NSF: variants seen among roughly 807,000 people sequenced by gnomAD.
The protein encoded by NSF is N-ethylmaleimide sensitive factor, vesicle fusing ATPase.
A neutral mutation model predicts 50.3 loss-of-function variants in NSF; 14 were observed. That is an observed-to-expected ratio of 0.28 (90% CI 0.18 to 0.44). The LOEUF is 0.44. Among genes scored for constraint, NSF ranks in the 20% least tolerant of loss-of-function variants. The probability of loss-of-function intolerance (pLI) is 1.00; values close to 1 mark genes in which losing one functional copy is unlikely to be tolerated. For synonymous variants in NSF, 109 were observed against 175.7 expected, an observed-to-expected ratio of 0.62 and a Z score of 3.00; for missense variants, 218 against 504.3, an observed-to-expected ratio of 0.43 and a Z score of 5.44.
chr17:46,715,523 A>G (rs1054207777), intron 15 of NSF, among the ~76,000 whole-genome samples: 1 of 152,230 alleles, frequency 6.6e-6, no homozygotes, highest in African/African-American at 2.4e-5. Context: ...TCATCTTTGC[A>G]GATGGTAAAT....
intron 17 of NSF, among the ~76,000 whole-genome samples, chr17:46,745,072 G>A (rs1446886136): frequency 6.6e-6 from 1 of 151,940 alleles, no homozygotes; most frequent in East Asian, 1.9e-4. Context: ...CAAGGGGCAT[G>A]TTTGGGCACT....
chr17:46,753,307 G>A (rs2059201891), intron 19 of NSF, among the ~76,000 whole-genome samples: 1 of 152,108 alleles, frequency 6.6e-6, no homozygotes, highest in South Asian at 2.1e-4. Flanking sequence ...ATAGGCTCTT[G>A]GACCAATAAC....
intron 8 of NSF, among the ~76,000 whole-genome samples, chr17:46,657,301 T>G (rs1490276325): frequency 5.5e-5 from 8 of 144,672 alleles, no homozygotes; most frequent in South Asian, 2.4e-4. Flanking sequence ...AGTCAAATGT[T>G]AAGGAGATCA....
At chr17:46,728,786 C>G in intron 16 of NSF, 69 bp from the exon 17 acceptor site, 2 of 859,918 alleles carry the variant, frequency 2.3e-6, no homozygotes, top group Non-Finnish European at 3.4e-6. Flanking sequence ...AAAAAAAAAA[C>G]AAAAACTGAA....
At chr17:46,728,775 A>G (rs1270482045) in intron 16 of NSF, 80 bp from the exon 17 acceptor site, 1 of 933,370 alleles carries the variant, frequency 1.1e-6, no homozygotes, top group African/African-American at 1.7e-5. Context: ...TTTTGATGCA[A>G]AAAAAAAAAA....
intron 9 of NSF, among the ~76,000 whole-genome samples, chr17:46,681,524 C>T (rs917700047): frequency 2.7e-5 from 4 of 149,492 alleles, no homozygotes; most frequent in African/African-American, 1.0e-4. Context: ...TTACATAGAT[C>T]GACATGAATA....
intron 17 of NSF, among the ~76,000 whole-genome samples, chr17:46,747,951 A>G (rs2059147389): frequency 6.6e-6 from 1 of 152,212 alleles, no homozygotes; most frequent in Admixed American, 6.5e-5. Flanking sequence ...TAGGATATGT[A>G]GTTTTCAAAT....
chr17:46,710,857 G>T, intron 13 of NSF, 106 bp from the exon 14 acceptor site: 1 of 939,776 alleles, frequency 1.1e-6, no homozygotes, highest in Non-Finnish European at 1.5e-6. Context: ...TATTAATATG[G>T]GATAGTGATC....
chr17:46,743,049 C>T (rs571530475), intron 17 of NSF, among the ~76,000 whole-genome samples: 1 of 152,280 alleles, frequency 6.6e-6, no homozygotes, highest in African/African-American at 2.4e-5. Flanking sequence ...GCCATGAGTC[C>T]TTCTGACTCT....
intron 9 of NSF, among the ~76,000 whole-genome samples, chr17:46,676,576 A>G (rs1229481341): frequency 2.1e-5 from 3 of 144,424 alleles, no homozygotes; most frequent in Non-Finnish European, 4.4e-5. Flanking sequence ...ATGCTGGTTT[A>G]GAATTTGAAT....
At chr17:46,753,350 C>A (rs774338967) in intron 19 of NSF, among the ~76,000 whole-genome samples, 16 of 152,150 alleles carry the variant, frequency 1.1e-4, no homozygotes, top group Non-Finnish European at 2.1e-4. Flanking sequence ...GCTTTTTAAT[C>A]TTTTCTGGTA....
At chr17:46,711,864 C>A (rs2146263058) in intron 14 of NSF, among the ~76,000 whole-genome samples, 1 of 152,098 alleles carries the variant, frequency 6.6e-6, no homozygotes, top group South Asian at 2.1e-4. Context: ...ATGTTTGAGG[C>A]AGAGCATGTG....
At chr17:46,734,563 C>A (rs1016240015) in intron 17 of NSF, among the ~76,000 whole-genome samples, 2 of 152,050 alleles carry the variant, frequency 1.3e-5, no homozygotes, top group African/African-American at 4.8e-5. Flanking sequence ...ATATACATAT[C>A]TCTGAGGACA....
intron 17 of NSF, among the ~76,000 whole-genome samples, chr17:46,738,326 T>C (rs183774794): frequency 2.3e-3 from 355 of 152,330 alleles, no homozygotes; most frequent in Non-Finnish European, 2.6e-3. Flanking sequence ...ATAGTTTCAC[T>C]GGAGGGAAGA....
intron 18 of NSF, among the ~76,000 whole-genome samples, chr17:46,750,551 G>A (rs1459389089): frequency 6.6e-6 from 1 of 152,166 alleles, no homozygotes. Flanking sequence ...TTGGATTAGG[G>A]ATACTCAACC....
intron 18 of NSF, 59 bp downstream of exon 18, chr17:46,749,966 A>G: frequency 1.9e-6 from 3 of 1,564,242 alleles, no homozygotes; most frequent in Non-Finnish European, 2.6e-6. Flanking sequence ...GGCTGAAATA[A>G]GTAGTACCAC....
chr17:46,757,057 C>T lies in NSF; in HGVS notation c.*1234C>T, dbSNP rs538202571. 8 of 152,234 alleles carry T rather than the reference C, an allele frequency of 5.3e-5. No individual in the cohort carries two copies. Among genetic ancestry groups the T allele is most frequent in the Non-Finnish European group, 1.0e-4 (7 of 68,038 alleles). 9.4% of individuals were successfully genotyped at this position (152,234 alleles called of 1,614,324 possible). A position where few individuals can be genotyped will look rare whatever the true frequency, so the allele number is the denominator to read the frequency against. ...TTAGAAGCCATCCTAAGGTGCTTAC[C>T]TCACACGCCACCCATGAGGCTTGTG... On this transcript the variant is annotated 3_prime_UTR_variant, in exon 21 of 21. Coordinates refer to ENST00000398238, the MANE Select transcript of NSF (RefSeq NM_006178.4).
chr17:46,595,594 C>T (rs1340491995), intron 1 of NSF, among the ~76,000 whole-genome samples: 4 of 131,092 alleles, frequency 3.1e-5, no homozygotes, highest in Non-Finnish European at 4.4e-5. Context: ...CGGGTTCAAG[C>T]GATTCTCCCG....
At chr17:46,610,099 TTCTCTCTCTCTC>T (rs369452486) in intron 1 of NSF, among the ~76,000 whole-genome samples, 11 of 89,492 alleles carry the variant, frequency 1.2e-4, no homozygotes, top group Admixed American at 2.5e-4. Context: ...TTTTCTCTCT[TTCTCTCTCTCTC>T]TCTCTCTCTC....
Sources: allele counts gnomAD v4.1 joint callset (sites outside exome capture counted in the v4.1 genomes callset), GRCh38; gene constraint gnomAD v4.1.1; transcripts MANE v1.5; gene names NCBI Gene and HGNC (gene_info 2026-07-23, HGNC 2026-07-21).